Variants in AGGF1 observed in about 807,000 individuals in gnomAD.
The protein encoded by AGGF1 is angiogenic factor with G patch and FHA domains 1.
Under a neutral mutation model 86.5 loss-of-function variants are expected in AGGF1, and 56 were observed. That is an observed-to-expected ratio of 0.65 (90% CI 0.52 to 0.81). The LOEUF (loss-of-function observed/expected upper bound fraction) is 0.81. AGGF1 is among the 30% of genes least tolerant of loss of function. The pLI is 0.00. For missense variants in AGGF1, 816 were observed against 850.9 expected (o/e 0.96, Z 0.51); for synonymous variants, 313 against 297.1 (o/e 1.05, Z -0.55).
intron 5 of AGGF1, 34 bp from the exon 6 acceptor site, chr5:77,046,313 C>A (rs940936350): frequency 5.9e-6 from 9 of 1,531,732 alleles, no homozygotes; most frequent in Non-Finnish European, 6.3e-6. Context: ...GAGTATTCTC[C>A]CCTGTTCCCT....
At chr5:77,061,062 T>C (rs1747555425) in intron 12 of AGGF1, among the ~76,000 whole-genome samples, 1 of 152,168 alleles carries the variant, frequency 6.6e-6, no homozygotes, top group Non-Finnish European at 1.5e-5. Context: ...TTATTTCAAT[T>C]TGAACTTTTT....
intron 8 of AGGF1, among the ~76,000 whole-genome samples, chr5:77,051,603 A>G (rs983361464): frequency 3.9e-5 from 6 of 152,212 alleles, no homozygotes; most frequent in Non-Finnish European, 7.3e-5. Flanking sequence ...GCTGGTGGGA[A>G]TATGAATTGA....
chr5:77,034,416 A>G lies in AGGF1; in HGVS notation c.211-2A>G. On this transcript the variant is annotated splice_acceptor_variant, in intron 1 of 13. Coordinates refer to ENST00000312916, the MANE Select transcript of AGGF1 (RefSeq NM_018046.5). LOFTEE classifies it high-confidence loss of function. ...TTTTCCTAAAGCCTTGTTTTCTCTC[A>G]GGTGGAAGAACTCAGTAAAATACTC... 1 of 1,592,824 alleles carries G rather than the reference A, an allele frequency of 6.3e-7. No individual in the cohort carries two copies. The highest frequency in any genetic ancestry group is 1.1e-5 in the South Asian group (1 of 90,612).
intron 2 of AGGF1, 42 bp downstream of exon 2, chr5:77,034,562 C>G: frequency 7.8e-7 from 1 of 1,287,344 alleles, no homozygotes; most frequent in Non-Finnish European, 1.1e-6. Context: ...CTGTTACATT[C>G]AAATCATGCT....
intron 1 of AGGF1, among the ~76,000 whole-genome samples, chr5:77,032,326 G>A (rs574975693): frequency 6.7e-6 from 1 of 150,096 alleles, no homozygotes; most frequent in East Asian, 2.0e-4. Flanking sequence ...CTAGCACTTT[G>A]GGAGGCCGAG....
chr5:77,055,878 C>T (rs996178159), intron 11 of AGGF1, among the ~76,000 whole-genome samples: 6 of 152,102 alleles, frequency 3.9e-5, no homozygotes, highest in East Asian at 1.9e-4. Context: ...AGTTTGTAGT[C>T]CCTGGTACTT....
At chr5:77,047,221 C>T (rs1747285016) in intron 6 of AGGF1, among the ~76,000 whole-genome samples, 2 of 152,098 alleles carry the variant, frequency 1.3e-5, no homozygotes, top group Non-Finnish European at 1.5e-5. Flanking sequence ...AAATGGATAG[C>T]TACATCTGTA....
chr5:77,046,133 T>A (rs1747242746), intron 5 of AGGF1, among the ~76,000 whole-genome samples: 1 of 152,154 alleles, frequency 6.6e-6, no homozygotes, highest in Non-Finnish European at 1.5e-5. Context: ...ATCTCAGAGA[T>A]AACTATAGGA....
chr5:77,058,171 CACTA>C (rs1003218352), intron 11 of AGGF1, among the ~76,000 whole-genome samples: 5 of 152,152 alleles, frequency 3.3e-5, no homozygotes, highest in Non-Finnish European at 7.3e-5. Flanking sequence ...TCTCATTGTA[CACTA>C]ACTATGTATG....
rs1747605852 is a variant in AGGF1 at position 77,063,526 on chromosome 5, C to CATA, written c.*275_*277dup. The CATA allele has an allele frequency of 2.4e-6, 1 of 411,648 alleles. No homozygotes were observed. The highest frequency in any genetic ancestry group is 2.5e-5 in the South Asian group (1 of 39,456). 25.5% of individuals were successfully genotyped at this position (411,648 alleles called of 1,614,324 possible). A position where few individuals can be genotyped will look rare whatever the true frequency, so the allele number is the denominator to read the frequency against. Reference sequence around the variant, plus strand: ...ATTTTATCTTGTCATTTACAACATCCATATAAGCAACTAGCCATATAAGCA... The same window carrying CATA: ...ATTTTATCTTGTCATTTACAACATCCATAATATAAGCAACTAGCCATATAAGCA... On this transcript the variant is annotated 3_prime_UTR_variant, in exon 14 of 14. Transcript: ENST00000312916.
At position 77,059,333 on chromosome 5, in the gene AGGF1, C is replaced by CT. The variant is rs552363767; in HGVS notation, c.1717-275dup. Reference sequence around the variant, plus strand: ...ATCTAATATGACAATTTCTTCATATCTTTTTTTTATAACTTTAATATAAAT... The same window carrying CT: ...ATCTAATATGACAATTTCTTCATATCTTTTTTTTTATAACTTTAATATAAAT... On this transcript the variant is annotated intron_variant, in intron 11 of 13. Transcript: ENST00000312916. 5.9e-5 allele frequency among the ~76,000 whole-genome samples: 9 copies of CT among 152,074 alleles called. 1 individual carries two copies. The South Asian group carries it at 1.7e-3, about 28-fold the overall frequency.
At position 77,059,691 on chromosome 5, in the gene AGGF1, G is replaced by A. The variant is rs1287019327; in HGVS notation, c.1792G>A (p.Val598Ile). 6.2e-7 allele frequency: 1 copy of A among 1,613,868 alleles called. No homozygotes were observed. The highest frequency in any genetic ancestry group is 8.5e-7 in the Non-Finnish European group (1 of 1,179,780). The change falls in exon 12 of 14, where the codon GTT becomes ATT. Residue 598 changes from valine to isoleucine, a missense_variant. Around this residue, in one of 3 missense-constraint regions of AGGF1, gnomAD observed 565 missense variants for 585.8 expected, o/e 0.96. Coordinates refer to ENST00000312916, the MANE Select transcript of AGGF1 (RefSeq NM_018046.5). The stretch of plus-strand genomic sequence containing the variant: ...TAGAGCTGGAAAACGTAGGGAGCAG[G>A]TTGGAAGTGAAGGAACTTTCCAAAG... ...KDRAGKRREQ[V>I]GSEGTFQRDD... is the part of the protein sequence containing the mutation.
In AGGF1 at chr5:77,063,188, C is replaced by G; in HGVS notation, c.2081C>G (p.Pro694Arg). The G allele has an allele frequency of 1.2e-6, 2 of 1,613,888 alleles. No individual in the cohort carries two copies. Among genetic ancestry groups the G allele is most frequent in the Non-Finnish European group, 1.7e-6 (2 of 1,179,896 alleles). ...CGAGAGCGGTTTACTGAAAACTTCCCAGAAACTAAGCCTCAAAAAGATGAC... is the reference window on the plus strand; with the variant it reads ...CGAGAGCGGTTTACTGAAAACTTCCGAGAAACTAAGCCTCAAAAAGATGAC... The part of the protein sequence containing the change: ...KARERFTENF[P>R]ETKPQKDDPG... Residue 694 changes from proline to arginine, a missense_variant, in exon 14 of 14, where the codon CCA (proline) becomes CGA (arginine). This residue lies in a region of AGGF1 where 565 missense variants were observed against 585.8 expected (regional missense o/e 0.96). Coordinates refer to ENST00000312916, the MANE Select transcript of AGGF1 (RefSeq NM_018046.5).
chr5:77,051,025 A>G (rs1747364325), intron 8 of AGGF1, among the ~76,000 whole-genome samples: 1 of 152,178 alleles, frequency 6.6e-6, no homozygotes, highest in Non-Finnish European at 1.5e-5. Context: ...GCTTTTTGGA[A>G]TAGGGTTTGG....
At chr5:77,054,890 T>C (rs552494461) in intron 10 of AGGF1, among the ~76,000 whole-genome samples, 1 of 152,274 alleles carries the variant, frequency 6.6e-6, no homozygotes, top group East Asian at 1.9e-4. Flanking sequence ...ACGTTTTCTG[T>C]CCTATTGATA....
Position 77,039,702 on chromosome 5 carries a change from G to A in AGGF1, c.853G>A (p.Ala285Thr). Residue 285 changes from alanine (A) to threonine (T), a missense_variant, in exon 5 of 14, where the codon GCA becomes ACA. Physicochemically the swap from Ala to Thr is moderately conservative, Grantham distance 58. Transcript: ENST00000312916. ...GAAAAGAAAAGATCCAGATTCTTCT[G>A]CAACAAATGAGGAAAAGGTAATGTC... is the stretch of plus-strand genomic sequence containing the variant. ...KKKRKDPDSS[A>T]TNEEKDLNSE... The A allele has an allele frequency of 6.2e-7, 1 of 1,611,576 alleles. No individual in the cohort carries two copies. Among genetic ancestry groups the A allele is most frequent in the South Asian group, 1.1e-5 (1 of 90,550 alleles).
chr5:77,047,894 C>T (rs1747300372), intron 6 of AGGF1, among the ~76,000 whole-genome samples: 1 of 142,240 alleles, frequency 7.0e-6, no homozygotes, highest in Admixed American at 7.2e-5. Context: ...TTTTCAGATT[C>T]TGAAACCTTA....
intron 5 of AGGF1, among the ~76,000 whole-genome samples, chr5:77,044,181 G>A (rs1022124134): frequency 8.7e-5 from 13 of 149,408 alleles, no homozygotes; most frequent in South Asian, 2.1e-4. Flanking sequence ...ACAGGGTGGC[G>A]GCCGGGCAGA....
rs1383039738 is a variant in AGGF1, at chr5:77,065,057, G to C, written c.*1805G>C. 1 of 152,094 alleles carries C rather than the reference G, an allele frequency of 6.6e-6. No individual in the cohort carries two copies. Among genetic ancestry groups the C allele is most frequent in the African/African-American group, 2.4e-5 (1 of 41,412 alleles). The allele number at this position is 152,094 out of a possible 1,614,324, so 9.4% of individuals were successfully genotyped here. Reference sequence around the variant, plus strand: ...ATAATGTCTGGGTCTATTTCCATCTGTAAAATAAGAATATTTGTCTCACGT... The same window carrying C: ...ATAATGTCTGGGTCTATTTCCATCTCTAAAATAAGAATATTTGTCTCACGT... On this transcript the variant is annotated 3_prime_UTR_variant, in exon 14 of 14. Transcript: ENST00000312916.
Sources: allele counts gnomAD v4.1 joint callset (sites outside exome capture counted in the v4.1 genomes callset), GRCh38; gene constraint gnomAD v4.1.1; regional missense constraint gnomAD v4.1.1; transcripts MANE v1.5; gene names NCBI Gene and HGNC (gene_info 2026-07-23, HGNC 2026-07-21).